XYLT1: variants seen among roughly 807,000 people sequenced by gnomAD.
XYLT1 encodes beta-D-xylosyltransferase 1.
A neutral mutation model predicts 91.3 loss-of-function variants in XYLT1; 36 were observed. The observed-to-expected ratio is 0.39, with a 90% CI of 0.30 to 0.52. XYLT1 has a LOEUF of 0.52. Among genes scored for constraint, XYLT1 ranks in the 20% least tolerant of loss-of-function variants. The pLI, the probability that XYLT1 is intolerant of heterozygous loss-of-function variation, is 0.68. For synonymous variants in XYLT1, 588 were observed against 532.0 expected (o/e 1.11, Z -1.45); for missense variants, 1,242 against 1,284.5 (o/e 0.97, Z 0.51).
At chr16:17,138,639 T>C in intron 7 of XYLT1, 108 bp from the exon 8 acceptor site, 2 of 1,342,286 alleles carry the variant, frequency 1.5e-6, no homozygotes, top group Non-Finnish European at 2.0e-6. Context: ...GAACTGGTTG[T>C]TTAAAAGAAT....
intron 3 of XYLT1, among the ~76,000 whole-genome samples, chr16:17,219,708 C>T (rs2032931405): frequency 1.3e-5 from 2 of 152,140 alleles, no homozygotes. Flanking sequence ...GTGGTGCGAT[C>T]TTGGCTCACT....
intron 5 of XYLT1, among the ~76,000 whole-genome samples, chr16:17,165,600 G>A (rs965835627): frequency 6.6e-6 from 1 of 152,212 alleles, no homozygotes; most frequent in Admixed American, 6.5e-5. Context: ...GCTGAGGCAT[G>A]AGAATTGCTT....
chr16:17,343,809 T>G (rs773705244), intron 2 of XYLT1, among the ~76,000 whole-genome samples: 6 of 152,254 alleles, frequency 3.9e-5, no homozygotes, highest in Non-Finnish European at 5.9e-5. Context: ...AAGAGAGCGT[T>G]CTTCCGTACC....
At chr16:17,383,061 G>A (rs193031546) in intron 1 of XYLT1, among the ~76,000 whole-genome samples, 15 of 151,910 alleles carry the variant, frequency 9.9e-5, no homozygotes, top group Non-Finnish European at 1.3e-4. Context: ...CCAACAAGCT[G>A]CAGGCAGAGG....
At chr16:17,287,345 T>A (rs545862389) in intron 2 of XYLT1, among the ~76,000 whole-genome samples, 21 of 152,236 alleles carry the variant, frequency 1.4e-4, no homozygotes, top group Admixed American at 3.9e-4. Flanking sequence ...GCTCAGAACG[T>A]AGACGGATCC....
chr16:17,181,640 C>G lies in XYLT1; in HGVS notation c.1289+16572G>C, dbSNP rs183108341. Among the ~76,000 whole-genome samples, 306 of 152,314 alleles carry G rather than the reference C, an allele frequency of 2.0e-3. 1 individual carries two copies. The highest frequency in any genetic ancestry group is 7.1e-3 in the African/African-American group (297 of 41,574). On this transcript the variant is annotated intron_variant, in intron 5 of 11. Coordinates refer to ENST00000261381, the MANE Select transcript of XYLT1 (RefSeq NM_022166.4). ...TGCCCATCTCTCTCCTACATTTACC[C>G]AAAGGGAGGAACTGAGGGTAGGATT...
chr16:17,443,278 C>T (rs1015305194), intron 1 of XYLT1, among the ~76,000 whole-genome samples: 2 of 152,146 alleles, frequency 1.3e-5, no homozygotes, highest in African/African-American at 4.8e-5. Flanking sequence ...TATAAACATA[C>T]ATGATATAGT....
At chr16:17,384,034 C>T (rs955716797) in intron 1 of XYLT1, among the ~76,000 whole-genome samples, 1 of 151,866 alleles carries the variant, frequency 6.6e-6, no homozygotes, top group African/African-American at 2.4e-5. Context: ...AGGCATGAGC[C>T]ACCGCGCCGG....
chr16:17,125,484 T>C (rs977724524), intron 10 of XYLT1, among the ~76,000 whole-genome samples: 20 of 152,098 alleles, frequency 1.3e-4, no homozygotes, highest in Non-Finnish European at 2.5e-4. Context: ...TACATTGGTC[T>C]CCCTGCAACT....
At chr16:17,459,627 A>G (rs2036788819) in intron 1 of XYLT1, among the ~76,000 whole-genome samples, 1 of 152,188 alleles carries the variant, frequency 6.6e-6, no homozygotes, top group African/African-American at 2.4e-5. Flanking sequence ...ATGCTTATCC[A>G]CAGCTCTTTC....
intron 3 of XYLT1, among the ~76,000 whole-genome samples, chr16:17,221,770 GAC>G (rs2032972214): frequency 6.6e-6 from 1 of 152,138 alleles, no homozygotes; most frequent in Non-Finnish European, 1.5e-5. Context: ...GGTTTCAGAT[GAC>G]TTATAAGAGA....
At chr16:17,402,449 G>A (rs965680235) in intron 1 of XYLT1, among the ~76,000 whole-genome samples, 1 of 152,222 alleles carries the variant, frequency 6.6e-6, no homozygotes, top group East Asian at 1.9e-4. Context: ...CAGTTGGGTT[G>A]GAATGGTGGG....
chr16:17,470,660 C>A lies in XYLT1; in HGVS notation c.137G>T (p.Arg46Leu). 1 of 1,133,376 alleles carries A rather than the reference C, an allele frequency of 8.8e-7. No individual in the cohort carries two copies. Among genetic ancestry groups the A allele is most frequent in the Non-Finnish European group, 1.1e-6 (1 of 909,450 alleles). The allele number at this position is 1,133,376 out of a possible 1,614,324, so 70.2% of individuals were successfully genotyped here. The change falls in exon 1 of 12, where the codon CGC becomes CTC. Residue 46 changes from arginine (R) to leucine (L), a missense_variant. Around this residue, in one of 3 missense-constraint regions of XYLT1, gnomAD observed 437 missense variants for 411.5 expected, o/e 1.06. Coordinates refer to ENST00000261381, the MANE Select transcript of XYLT1 (RefSeq NM_022166.4). ...SSLDSGAGER[R>L]GGAAVGGGEQ... ...CCCGCCGCCGACCGCTGCGCCCCCG[C>A]GGCGCTCCCCGGCCCCGGAGTCGAG...
intron 2 of XYLT1, among the ~76,000 whole-genome samples, chr16:17,276,315 C>T (rs754906407): frequency 2.6e-5 from 4 of 152,100 alleles, no homozygotes; most frequent in African/African-American, 4.8e-5. Flanking sequence ...CTGTAAGCTG[C>T]GGGTGCCCCA....
chr16:17,159,036 T>G (rs2031485749), intron 5 of XYLT1, 127 bp from the exon 6 acceptor site: 1 of 754,292 alleles, frequency 1.3e-6, no homozygotes, highest in African/African-American at 1.7e-5. Context: ...GCACACAGGC[T>G]GATAAGGCAT....
intron 5 of XYLT1, among the ~76,000 whole-genome samples, chr16:17,185,424 G>A (rs949287677): frequency 1.3e-5 from 2 of 152,292 alleles, no homozygotes; most frequent in Non-Finnish European, 2.9e-5. Context: ...GAACTTTGGG[G>A]TCTCAGGAAG....
At chr16:17,282,292 A>G (rs1255395165) in intron 2 of XYLT1, among the ~76,000 whole-genome samples, 1 of 151,962 alleles carries the variant, frequency 6.6e-6, no homozygotes, top group African/African-American at 2.4e-5. Flanking sequence ...CCTGGCCAGT[A>G]AGTAGCCACG....
intron 9 of XYLT1, 129 bp downstream of exon 9, chr16:17,134,344 A>T: frequency 7.7e-7 from 1 of 1,292,638 alleles, no homozygotes; most frequent in Non-Finnish European, 1.1e-6. Context: ...TTTTGGGCAA[A>T]GGAAGAGAGA....
intron 2 of XYLT1, among the ~76,000 whole-genome samples, chr16:17,352,703 C>T (rs2141857506): frequency 1.3e-5 from 2 of 152,358 alleles, no homozygotes; most frequent in Middle Eastern, 6.8e-3. Context: ...CACCTCCACT[C>T]TACCCAGTCA....
Sources: gnomAD v4.1 joint callset for allele counts (sites outside exome capture counted in the v4.1 genomes callset) on GRCh38, gnomAD v4.1.1 for gene constraint, gnomAD v4.1.1 regional missense constraint, MANE v1.5 for transcripts, NCBI Gene and HGNC (gene_info 2026-07-23, HGNC 2026-07-21) for gene names.